RASAL2: variants seen among roughly 807,000 people sequenced by gnomAD.
RASAL2 encodes RAS protein activator like 2, also known as ras GTPase-activating protein nGAP.
Under a neutral mutation model 128.9 loss-of-function variants are expected in RASAL2, and 58 were observed. The ratio of observed to expected loss-of-function variants is 0.45; its 90% CI spans 0.36 to 0.56. The LOEUF is 0.56. RASAL2 is among the 20% of genes least tolerant of loss of function. The probability of loss-of-function intolerance (pLI) is 0.00; values close to 1 mark genes in which losing one functional copy is unlikely to be tolerated. For synonymous variants in RASAL2, 561 were observed against 580.8 expected (o/e 0.97, Z 0.49); for missense variants, 1,360 against 1,601.6 (o/e 0.85, Z 2.57).
chr1:178,119,243 C>A (rs1250392507), intron 1 of RASAL2, among the ~76,000 whole-genome samples: 1 of 152,132 alleles, frequency 6.6e-6, no homozygotes, highest in Non-Finnish European at 1.5e-5. Context: ...TAAGAGAAAT[C>A]TCTGGAGTGG....
intron 1 of RASAL2, among the ~76,000 whole-genome samples, chr1:178,173,026 G>T (rs1571582387): frequency 6.6e-6 from 1 of 152,042 alleles, no homozygotes; most frequent in East Asian, 1.9e-4. Flanking sequence ...ATTATAAATG[G>T]ATTTTCACCT....
At chr1:178,183,696 T>G (rs930926845) in intron 1 of RASAL2, among the ~76,000 whole-genome samples, 2 of 152,218 alleles carry the variant, frequency 1.3e-5, no homozygotes, top group African/African-American at 2.4e-5. Flanking sequence ...TGAATAGTAT[T>G]TATGTACCTA....
chr1:178,274,347 A>G (rs532293475), intron 1 of RASAL2, among the ~76,000 whole-genome samples: 20 of 152,312 alleles, frequency 1.3e-4, no homozygotes, highest in South Asian at 1.0e-3. Context: ...CTGCCCCTAA[A>G]GGAAAGTGAT....
chr1:178,375,526 T>G (rs988889536), intron 3 of RASAL2, among the ~76,000 whole-genome samples: 2 of 152,154 alleles, frequency 1.3e-5, no homozygotes, highest in Admixed American at 1.3e-4. Flanking sequence ...TTTTTATCCC[T>G]GTGTATTATA....
chr1:178,145,629 G>A (rs1332806198), intron 1 of RASAL2, among the ~76,000 whole-genome samples: 10 of 151,628 alleles, frequency 6.6e-5, no homozygotes, highest in African/African-American at 2.2e-4. Context: ...AATAAAAGTG[G>A]CTTAAACAAA....
intron 1 of RASAL2, among the ~76,000 whole-genome samples, chr1:178,260,815 C>T (rs11587387): frequency 0.088 from 13,315 of 152,140 alleles, 621 homozygotes; most frequent in Middle Eastern, 0.14. Context: ...GACTGCTCTT[C>T]AACATGCCCA....
intron 1 of RASAL2, among the ~76,000 whole-genome samples, chr1:178,183,922 G>C (rs1309117317): frequency 6.6e-6 from 1 of 152,152 alleles, no homozygotes; most frequent in African/African-American, 2.4e-5. Flanking sequence ...ATTCTTACCA[G>C]CAATGAATGA....
At chr1:178,203,072 A>G (rs771843295) in intron 1 of RASAL2, among the ~76,000 whole-genome samples, 4 of 152,174 alleles carry the variant, frequency 2.6e-5, no homozygotes, top group Non-Finnish European at 5.9e-5. Context: ...GACCTCTTCT[A>G]TCATGGAAAG....
intron 1 of RASAL2, among the ~76,000 whole-genome samples, chr1:178,260,594 AAAC>A (rs1446640412): frequency 6.6e-6 from 1 of 151,034 alleles, no homozygotes; most frequent in Non-Finnish European, 1.5e-5. Context: ...AAATAAGAAA[AAAC>A]AAATTCACTT....
At chr1:178,113,742 G>A (rs1429701105) in intron 1 of RASAL2, among the ~76,000 whole-genome samples, 5 of 151,862 alleles carry the variant, frequency 3.3e-5, no homozygotes, top group African/African-American at 1.2e-4. Context: ...ATTTTGATTG[G>A]GATTGTGTTA....
At chr1:178,411,169 C>CGTGT (rs1231159229) in intron 4 of RASAL2, among the ~76,000 whole-genome samples, 3 of 3,734 alleles carry the variant, frequency 8.0e-4, no homozygotes, top group Middle Eastern at 0.33. Flanking sequence ...TGTGTGTACA[C>CGTGT]ACACACACAC....
At position 178,448,602 on chromosome 1, in the gene RASAL2, C is replaced by T. The variant is rs74772755; in HGVS notation, c.1627+2940C>T. On this transcript the variant is annotated intron_variant, in intron 9 of 17. Transcript: ENST00000367649. ...ATTTACATAAAGAGCTTATTACAGC[C>T]ATAAATTATATCTCATGATTTGCTT... 4.2e-3 allele frequency among the ~76,000 whole-genome samples: 638 copies of T among 151,412 alleles called. 6 individuals are homozygous for T. Among genetic ancestry groups the T allele is most frequent in the Non-Finnish European group, 3.9e-3 (265 of 67,856 alleles).
At chr1:178,235,546 CAT>C (rs1350429424) in intron 1 of RASAL2, among the ~76,000 whole-genome samples, 1 of 152,034 alleles carries the variant, frequency 6.6e-6, no homozygotes, top group African/African-American at 2.4e-5. Context: ...CTACCAGTAA[CAT>C]AACAACATTT....
At chr1:178,451,743 A>G (rs1677389743) in intron 10 of RASAL2, 28 bp downstream of exon 10, 1 of 1,601,116 alleles carries the variant, frequency 6.2e-7, no homozygotes, top group African/African-American at 1.3e-5. Context: ...TCTGCCTTAC[A>G]TTTTTTCATG....
At chr1:178,454,349 C>A in intron 11 of RASAL2, 98 bp from the exon 12 acceptor site, 1 of 1,006,824 alleles carries the variant, frequency 9.9e-7, no homozygotes, top group South Asian at 1.6e-5. Flanking sequence ...ATTCCCTCCA[C>A]AAAATAAAAA....
At chr1:178,372,045 TC>T (rs2102522728) in intron 3 of RASAL2, 1 of 491,044 alleles carries the variant, frequency 2.0e-6, no homozygotes, top group South Asian at 8.8e-5. Flanking sequence ...TCTTTCCCCC[TC>T]CCCCTGGTTG....
intron 1 of RASAL2, among the ~76,000 whole-genome samples, chr1:178,244,337 G>A (rs867153476): frequency 6.6e-6 from 1 of 152,022 alleles, no homozygotes; most frequent in African/African-American, 2.4e-5. Context: ...CTGCCTCTCG[G>A]GTTCAAGTGA....
intron 12 of RASAL2, chr1:178,456,514 C>G (rs1677783513): frequency 1.5e-6 from 1 of 659,964 alleles, no homozygotes; most frequent in Non-Finnish European, 2.7e-6. Flanking sequence ...GTCTGCCGCA[C>G]CTTGTTTCGC....
intron 1 of RASAL2, among the ~76,000 whole-genome samples, chr1:178,153,838 A>T (rs2101882807): frequency 6.6e-6 from 1 of 151,942 alleles, no homozygotes; most frequent in East Asian, 1.9e-4. Flanking sequence ...TATGATTAAC[A>T]TTTTTTTGTT....
Sources: allele counts gnomAD v4.1 joint callset (sites outside exome capture counted in the v4.1 genomes callset), GRCh38; gene constraint gnomAD v4.1.1; transcripts MANE v1.5; gene names NCBI Gene and HGNC (gene_info 2026-07-23, HGNC 2026-07-21).